The following KIAA1217 variants were observed in gnomAD, a reference collection of about 807,000 sequenced individuals.
The protein encoded by KIAA1217 is sickle tail protein homolog.
Under a neutral mutation model 163.9 loss-of-function variants are expected in KIAA1217, and 88 were observed. The observed-to-expected ratio is 0.54, with a 90% CI of 0.45 to 0.64. The LOEUF is 0.64. KIAA1217 is among the 30% of genes least tolerant of loss of function. The pLI is 0.00. For missense variants in KIAA1217, 2,372 were observed against 2,475.0 expected (o/e 0.96, Z 0.88); for synonymous variants, 903 against 923.1 (o/e 0.98, Z 0.39).
intron 1 of KIAA1217, among the ~76,000 whole-genome samples, chr10:23,919,080 C>T (rs1191255291): frequency 1.3e-5 from 2 of 152,086 alleles, no homozygotes; most frequent in South Asian, 2.1e-4. Context: ...AATGACTCCC[C>T]CATCTCCCAA....
chr10:23,848,552 G>T lies in KIAA1217; in HGVS notation c.-321+153318G>T, dbSNP rs149817525. 2.4e-3 allele frequency among the ~76,000 whole-genome samples: 372 copies of T among 152,056 alleles called. 1 individual carries two copies. The highest frequency in any genetic ancestry group is 8.6e-3 in the African/African-American group (357 of 41,496). On this transcript the variant is annotated intron_variant, in intron 1 of 18. Transcript: ENST00000376462. ...CTAAAACTGAACTCAGGAGTCTCCT[G>T]CAACACACATAAAACACACACTATC... is the stretch of plus-strand genomic sequence containing the variant.
In KIAA1217 at chr10:24,088,834, G is replaced by C. The variant is rs893815109; in HGVS notation, c.-171+81460G>C. ...CAGTAATGGGATGGCTGGGTGAAAT[G>C]GTATTTCCAGTTCTAGATCCCTGAG... On this transcript the variant is annotated intron_variant, in intron 2 of 18. Transcript: ENST00000376462. 7.2e-5 allele frequency among the ~76,000 whole-genome samples: 9 copies of C among 124,236 alleles called. 3 individuals carry two copies. The highest frequency in any genetic ancestry group is 7.0e-4 in the Admixed American group (9 of 12,880). The allele number at this position is 124,236 out of a possible 152,430, so 81.5% of individuals were successfully genotyped here. A position where few individuals can be genotyped will look rare whatever the true frequency, so the allele number is the denominator to read the frequency against.
intron 2 of KIAA1217, among the ~76,000 whole-genome samples, chr10:24,309,342 G>GCA (rs1401905732): frequency 1.6e-4 from 9 of 57,342 alleles, no homozygotes; most frequent in East Asian, 6.6e-4. Context: ...GCGCGCGCAC[G>GCA]CGCGCGCGCA....
intron 1 of KIAA1217, among the ~76,000 whole-genome samples, chr10:24,217,959 A>G (rs780866645): frequency 2.4e-4 from 37 of 152,122 alleles, no homozygotes; most frequent in Non-Finnish European, 5.0e-4. Flanking sequence ...AGGTCACATC[A>G]TTTGTTCTAA....
chr10:23,751,729 G>T (rs927611629), intron 1 of KIAA1217, among the ~76,000 whole-genome samples: 2 of 152,104 alleles, frequency 1.3e-5, no homozygotes, highest in African/African-American at 4.8e-5. Flanking sequence ...TGAATAAAAA[G>T]TTTTTTCTTC....
chr10:23,836,675 A>C (rs946099855), intron 1 of KIAA1217, among the ~76,000 whole-genome samples: 4 of 151,982 alleles, frequency 2.6e-5, no homozygotes, highest in Non-Finnish European at 4.4e-5. Flanking sequence ...CTGTAATCCC[A>C]GCACTTTGGG....
At chr10:24,282,139 A>G (rs2078014387) in intron 2 of KIAA1217, among the ~76,000 whole-genome samples, 1 of 152,182 alleles carries the variant, frequency 6.6e-6, no homozygotes, top group African/African-American at 2.4e-5. Context: ...AGGCTAAGGC[A>G]GGAGGAGCTC....
At chr10:24,281,782 C>T (rs182483553) in intron 2 of KIAA1217, among the ~76,000 whole-genome samples, 80 of 152,036 alleles carry the variant, frequency 5.3e-4, no homozygotes, top group Non-Finnish European at 9.4e-4. Context: ...AATAATCGGC[C>T]GGGCTCGGTG....
intron 1 of KIAA1217, among the ~76,000 whole-genome samples, chr10:23,716,291 G>A (rs1331685332): frequency 6.6e-6 from 1 of 152,164 alleles, no homozygotes; most frequent in East Asian, 1.9e-4. Flanking sequence ...TTTACATATA[G>A]GGCTTAATTT....
chr10:24,326,552 G>A (rs1354533407), intron 2 of KIAA1217, among the ~76,000 whole-genome samples: 1 of 152,098 alleles, frequency 6.6e-6, no homozygotes, highest in Non-Finnish European at 1.5e-5. Flanking sequence ...GAATCTAAAG[G>A]TGTGAAAGGC....
intron 2 of KIAA1217, among the ~76,000 whole-genome samples, chr10:24,271,987 A>G (rs887821073): frequency 5.9e-5 from 9 of 152,168 alleles, no homozygotes; most frequent in Non-Finnish European, 7.3e-5. Context: ...TACAAGAGGC[A>G]CAGAGAGACC....
intron 1 of KIAA1217, among the ~76,000 whole-genome samples, chr10:23,930,883 G>A (rs1385937630): frequency 6.6e-6 from 1 of 152,088 alleles, no homozygotes; most frequent in South Asian, 2.1e-4. Context: ...TTGGTATTGA[G>A]CCTGTCCTTC....
chr10:24,236,115 A>G (rs1279789920), intron 2 of KIAA1217, among the ~76,000 whole-genome samples: 2 of 152,154 alleles, frequency 1.3e-5, no homozygotes, highest in African/African-American at 4.8e-5. Flanking sequence ...ACATCATACT[A>G]TTGCTGTGAG....
chr10:23,927,136 A>G (rs72771462), intron 1 of KIAA1217, among the ~76,000 whole-genome samples: 11,939 of 151,812 alleles, frequency 0.079, 612 homozygotes, highest in Middle Eastern at 0.15. Context: ...TGAACTTCTG[A>G]TCTCAAGTGA....
chr10:23,964,520 G>A (rs1431218190), intron 1 of KIAA1217, among the ~76,000 whole-genome samples: 1 of 151,934 alleles, frequency 6.6e-6, no homozygotes, highest in Non-Finnish European at 1.5e-5. Flanking sequence ...GAATGGTATT[G>A]CCTAGGTTTT....
chr10:24,034,797 T>G (rs2131544643), intron 2 of KIAA1217, among the ~76,000 whole-genome samples: 1 of 152,294 alleles, frequency 6.6e-6, no homozygotes, highest in Admixed American at 6.5e-5. Flanking sequence ...AGGAAGCTGT[T>G]CTGCTCACAT....
At chr10:23,973,228 GA>G (rs1285026952) in intron 1 of KIAA1217, among the ~76,000 whole-genome samples, 29 of 152,060 alleles carry the variant, frequency 1.9e-4, no homozygotes, top group African/African-American at 6.5e-4. Flanking sequence ...GTTTAGGAGG[GA>G]AAAAAATAGC....
At chr10:24,520,321 C>CGGCCGGGCGCGGTGGCTCACGCCTGTA in intron 11 of KIAA1217, 68 bp downstream of exon 11, 1 of 1,582,594 alleles carries the variant, frequency 6.3e-7, no homozygotes. Context: ...AAATCTGCCA[C>CGGCCGGGCGCGGTGGCTCACGCCTGTA]ATAGAGGATT....
chr10:23,791,728 G>C (rs1247973465), intron 1 of KIAA1217, among the ~76,000 whole-genome samples: 1 of 152,128 alleles, frequency 6.6e-6, no homozygotes. Context: ...GTAACATATT[G>C]AAAAATATCT....
Sources: allele counts gnomAD v4.1 joint callset (sites outside exome capture counted in the v4.1 genomes callset), GRCh38; gene constraint gnomAD v4.1.1; transcripts MANE v1.5; gene names NCBI Gene and HGNC (gene_info 2026-07-23, HGNC 2026-07-21).